Variants in TMCC1 observed in about 807,000 individuals in gnomAD.
The protein encoded by TMCC1 is transmembrane and coiled-coil domain family 1, also known as transmembrane and coiled-coil domains protein 1.
A neutral mutation model predicts 52.4 loss-of-function variants in TMCC1; 15 were observed. The ratio of observed to expected loss-of-function variants is 0.29; its 90% CI spans 0.19 to 0.44. The LOEUF (loss-of-function observed/expected upper bound fraction) is 0.44. TMCC1 is among the 20% of genes least tolerant of loss of function. The pLI is 1.00. For missense variants in TMCC1, 503 were observed against 806.0 expected (o/e 0.62, Z 4.55); for synonymous variants, 279 against 301.9 (o/e 0.92, Z 0.79).
At chr3:129,855,621 C>T (rs2060116814) in intron 2 of TMCC1, among the ~76,000 whole-genome samples, 1 of 152,102 alleles carries the variant, frequency 6.6e-6, no homozygotes, top group Admixed American at 6.6e-5. Context: ...AACTCTCAGC[C>T]TCATTCACAA....
chr3:129,871,464 CT>C (rs1445729656), intron 2 of TMCC1, among the ~76,000 whole-genome samples: 3 of 150,088 alleles, frequency 2.0e-5, no homozygotes, highest in Non-Finnish European at 4.4e-5. Context: ...TCTTGATTTT[CT>C]TTGATGCAAC....
intron 2 of TMCC1, among the ~76,000 whole-genome samples, chr3:129,870,732 G>T (rs2060882787): frequency 5.9e-5 from 2 of 33,854 alleles, no homozygotes; most frequent in African/African-American, 1.4e-4. Flanking sequence ...GGGGGGGGGG[G>T]GGGGGCGACA....
chr3:129,782,782 G>T (rs549335651), intron 4 of TMCC1, among the ~76,000 whole-genome samples: 2 of 152,094 alleles, frequency 1.3e-5, no homozygotes, highest in Non-Finnish European at 2.9e-5. Flanking sequence ...TATGAACTGC[G>T]GTGTGTTATT....
intron 4 of TMCC1, among the ~76,000 whole-genome samples, chr3:129,754,430 G>C (rs2052807472): frequency 1.3e-5 from 2 of 152,076 alleles, no homozygotes; most frequent in Non-Finnish European, 2.9e-5. Context: ...TGGAAAAGAA[G>C]AACAAAATTA....
intron 4 of TMCC1, among the ~76,000 whole-genome samples, chr3:129,751,290 G>C (rs1307646513): frequency 6.6e-6 from 1 of 152,136 alleles, no homozygotes; most frequent in African/African-American, 2.4e-5. Context: ...AGCACTTTGA[G>C]TGGCTGAGGC....
At chr3:129,867,703 A>C (rs2060717420) in intron 2 of TMCC1, among the ~76,000 whole-genome samples, 1 of 152,218 alleles carries the variant, frequency 6.6e-6, no homozygotes. Context: ...AACACTTCCC[A>C]GTTCATCCTA....
intron 4 of TMCC1, among the ~76,000 whole-genome samples, chr3:129,736,461 G>T (rs1196019418): frequency 1.3e-5 from 2 of 151,638 alleles, no homozygotes; most frequent in African/African-American, 4.8e-5. Flanking sequence ...TAATAATTGT[G>T]ATGAAACTTC....
intron 4 of TMCC1, among the ~76,000 whole-genome samples, chr3:129,711,766 G>A (rs1484619305): frequency 6.7e-6 from 1 of 149,072 alleles, no homozygotes; most frequent in Non-Finnish European, 1.5e-5. Context: ...TGAGGCGGGC[G>A]GATCACGAGG....
intron 4 of TMCC1, among the ~76,000 whole-genome samples, chr3:129,742,404 G>T (rs1033846246): frequency 6.6e-6 from 1 of 152,072 alleles, no homozygotes; most frequent in African/African-American, 2.4e-5. Context: ...AAAATGGACA[G>T]AGGACCTGAA....
At chr3:129,698,258 C>A (rs2047557883) in intron 4 of TMCC1, among the ~76,000 whole-genome samples, 1 of 152,318 alleles carries the variant, frequency 6.6e-6, no homozygotes, top group African/African-American at 2.4e-5. Flanking sequence ...GCACGTCTTA[C>A]TTGGCGGCAG....
chr3:129,831,191 C>T (rs1042545659), intron 3 of TMCC1, among the ~76,000 whole-genome samples: 12 of 152,146 alleles, frequency 7.9e-5, no homozygotes, highest in Admixed American at 5.2e-4. Flanking sequence ...GCCTCAGCCT[C>T]CCAAAGTGCT....
chr3:129,752,194 CA>C (rs1352805844), intron 4 of TMCC1, among the ~76,000 whole-genome samples: 1 of 152,168 alleles, frequency 6.6e-6, no homozygotes, highest in Non-Finnish European at 1.5e-5. Flanking sequence ...ATGGCATCAG[CA>C]GAATGTTTTC....
intron 4 of TMCC1, among the ~76,000 whole-genome samples, chr3:129,706,604 G>A (rs2048263388): frequency 6.6e-6 from 1 of 152,122 alleles, no homozygotes; most frequent in South Asian, 2.1e-4. Flanking sequence ...TACTCCATCT[G>A]AGTACAGACT....
intron 2 of TMCC1, among the ~76,000 whole-genome samples, chr3:129,842,715 A>G (rs758225009): frequency 1.1e-4 from 17 of 152,246 alleles, no homozygotes; most frequent in Non-Finnish European, 2.2e-4. Flanking sequence ...CCATAATAGA[A>G]TAAAACTAAA....
intron 4 of TMCC1, among the ~76,000 whole-genome samples, chr3:129,766,122 A>G (rs549425223): frequency 2.6e-5 from 4 of 152,338 alleles, no homozygotes; most frequent in Non-Finnish European, 5.9e-5. Flanking sequence ...AATAAGGAGC[A>G]AAGGAAAAGA....
intron 4 of TMCC1, among the ~76,000 whole-genome samples, chr3:129,766,799 A>C (rs1375350395): frequency 6.6e-6 from 1 of 151,650 alleles, no homozygotes; most frequent in Non-Finnish European, 1.5e-5. Flanking sequence ...TTGTATTTTT[A>C]GTGGAGATAA....
At chr3:129,788,822 G>A (rs1218013213) in intron 4 of TMCC1, among the ~76,000 whole-genome samples, 3 of 151,978 alleles carry the variant, frequency 2.0e-5, no homozygotes, top group Admixed American at 1.3e-4. Flanking sequence ...TCCTATTCTG[G>A]TTTTGTAAAA....
rs765601986 is a variant in TMCC1 at position 129,721,704 on chromosome 3, CAAA to C, written c.577-50443_577-50441del. On this transcript the variant is annotated intron_variant, in intron 4 of 6. Transcript: ENST00000393238. ...TGAAACCCCAACTCTACTAAAAATACAAAAAAAAAAAAAAAAAAAAAATTAGCT... is the reference window on the plus strand; with the variant it reads ...TGAAACCCCAACTCTACTAAAAATACAAAAAAAAAAAAAAAAAAATTAGCT... 5.2e-3 allele frequency among the ~76,000 whole-genome samples: 393 copies of C among 76,042 alleles called. 1 individual carries two copies. The highest frequency in any genetic ancestry group is 0.016 in the African/African-American group (380 of 23,430). 49.9% of individuals were successfully genotyped at this position (76,042 alleles called of 152,430 possible). A position where few individuals can be genotyped will look rare whatever the true frequency, so the allele number is the denominator to read the frequency against.
intron 4 of TMCC1, among the ~76,000 whole-genome samples, chr3:129,742,046 C>T (rs2051503205): frequency 6.6e-6 from 1 of 152,060 alleles, no homozygotes; most frequent in Non-Finnish European, 1.5e-5. Flanking sequence ...GATGAATAGT[C>T]TTGATCTTTT....
Sources: allele counts gnomAD v4.1 joint callset (sites outside exome capture counted in the v4.1 genomes callset), GRCh38; gene constraint gnomAD v4.1.1; transcripts MANE v1.5; gene names NCBI Gene and HGNC (gene_info 2026-07-23, HGNC 2026-07-21).